Variants in MPHOSPH6 observed in about 807,000 individuals in gnomAD.
MPHOSPH6 encodes M-phase phosphoprotein 6.
In MPHOSPH6, 25 loss-of-function variants were observed where a neutral mutation model predicts 21.8. The ratio of observed to expected loss-of-function variants is 1.15; its 90% CI spans 0.83 to 1.60. The LOEUF is 1.60. MPHOSPH6 is among the 40% of genes most tolerant of loss of function. The pLI, the probability that MPHOSPH6 is intolerant of heterozygous loss-of-function variation, is 0.00. For synonymous variants in MPHOSPH6, 84 were observed against 56.5 expected, an observed-to-expected ratio of 1.49 and a Z score of -2.18; for missense variants, 269 against 181.8, an observed-to-expected ratio of 1.48 and a Z score of -2.76.
intron 1 of MPHOSPH6, 26 bp downstream of exon 1, chr16:82,170,099 G>A (rs764677170): frequency 6.3e-7 from 1 of 1,582,786 alleles, no homozygotes; most frequent in African/African-American, 1.4e-5. Context: ...CTACCGCCCG[G>A]AGTGGCGCTC....
At position 82,151,430 on chromosome 16, in the gene MPHOSPH6, C is replaced by T; in HGVS notation, c.249G>A (p.Glu83=). 1 of 1,605,534 alleles carries T rather than the reference C, an allele frequency of 6.2e-7. No individual in the cohort carries two copies. Among genetic ancestry groups the T allele is most frequent in the East Asian group, 2.2e-5 (1 of 44,726 alleles). ...AAGCAATTATATTTAATACCTCAAC[C>T]TCAGGATTAAATCCTCTGAATGACA... ...GRMSFRGFNP[E]VEKLMLQMNA... is the part of the protein sequence containing the mutation. Residue 83 remains glutamate (E), a synonymous_variant, in exon 3 of 5, where the codon GAG becomes GAA. Coordinates refer to ENST00000258169, the MANE Select transcript of MPHOSPH6 (RefSeq NM_005792.2).
intron 1 of MPHOSPH6, chr16:82,164,871 G>A (rs1906715678): frequency 6.6e-6 from 1 of 152,152 alleles, no homozygotes; most frequent in South Asian, 2.1e-4. Flanking sequence ...TCTGCAGAAA[G>A]TTGACTCAAA....
chr16:82,149,358 C>A lies in MPHOSPH6; in HGVS notation c.301G>T (p.Glu101Ter), dbSNP rs749927926. ...ACATCAAGCTCTACTGTTTCATCTT[C>A]AACTTCTTCTGCTTTGTGCTTAGCA... is the stretch of plus-strand genomic sequence containing the variant. The part of the protein sequence containing the change: ...MNAKHKAEEV[E>*]DETVELDVSD... Residue 101 changes from glutamate (E) to a stop codon, truncating the protein, a stop_gained, in exon 4 of 5, where the codon GAA becomes TAA. Transcript: ENST00000258169. LOFTEE classifies it high-confidence loss of function. 1.2e-6 allele frequency: 2 copies of A among 1,613,134 alleles called. No individual in the cohort carries two copies. The highest frequency in any genetic ancestry group is 1.1e-5 in the South Asian group (1 of 91,088).
In MPHOSPH6 at chr16:82,148,507, T is replaced by C; in HGVS notation, c.*224A>G. On this transcript the variant is annotated 3_prime_UTR_variant, in exon 5 of 5. Coordinates refer to ENST00000258169, the MANE Select transcript of MPHOSPH6 (RefSeq NM_005792.2). ...AAGCAGCCCTGTAACAATGTACATT[T>C]GTAGATCAGGGGCTAAAAATCCACT... 1 of 470,546 alleles carries C rather than the reference T, an allele frequency of 2.1e-6. No individual in the cohort carries two copies. The highest frequency in any genetic ancestry group is 3.6e-6 in the Non-Finnish European group (1 of 281,634). 29.1% of individuals were successfully genotyped at this position (470,546 alleles called of 1,614,324 possible).
rs1906723920 is a variant in MPHOSPH6, at chr16:82,165,110, A to ATT, written c.52-918_52-917dup. ...TTTCTTTCCCTTATTCAGGTCCGAT[A>ATT]TTTCTTTTTTATTTTTTTTTTTATT... On this transcript the variant is annotated intron_variant, in intron 1 of 4. Coordinates refer to ENST00000258169, the MANE Select transcript of MPHOSPH6 (RefSeq NM_005792.2). Among the ~76,000 whole-genome samples, 2 of 79,948 alleles carry ATT rather than the reference A, an allele frequency of 2.5e-5. 1 individual carries two copies. Among genetic ancestry groups the ATT allele is most frequent in the African/African-American group, 1.2e-4 (2 of 16,976 alleles). 52.4% of individuals were successfully genotyped at this position (79,948 alleles called of 152,430 possible).
chr16:82,161,733 CAT>C (rs1472610308), intron 2 of MPHOSPH6, among the ~76,000 whole-genome samples: 2 of 152,212 alleles, frequency 1.3e-5, no homozygotes, highest in African/African-American at 2.4e-5. Context: ...GCCTCAGCCA[CAT>C]ATGAGAGCTC....
intron 2 of MPHOSPH6, among the ~76,000 whole-genome samples, chr16:82,155,487 A>G (rs1269339138): frequency 6.6e-6 from 1 of 152,238 alleles, no homozygotes; most frequent in Non-Finnish European, 1.5e-5. Flanking sequence ...ACAACCTTCA[A>G]TTTCTACACA....
At chr16:82,168,472 C>CTT (rs552110598) in intron 1 of MPHOSPH6, among the ~76,000 whole-genome samples, 10,445 of 47,860 alleles carry the variant, frequency 0.22, 939 homozygotes, top group South Asian at 0.25. Flanking sequence ...TACTCTCTCT[C>CTT]TTTTTTTTTT....
intron 2 of MPHOSPH6, among the ~76,000 whole-genome samples, chr16:82,156,565 C>G (rs1261476214): frequency 1.3e-5 from 2 of 152,038 alleles, no homozygotes; most frequent in African/African-American, 4.8e-5. Context: ...AATTAAAAAC[C>G]ATAATAAGAT....
chr16:82,149,016 T>C (rs971105772), intron 4 of MPHOSPH6, among the ~76,000 whole-genome samples, 153 bp from the exon 5 acceptor site: 2 of 152,380 alleles, frequency 1.3e-5, no homozygotes, highest in African/African-American at 4.8e-5. Context: ...ATTTATGAAC[T>C]TCTCTAAGAG....
Position 82,149,923 on chromosome 16 carries a change from G to C in MPHOSPH6, c.256-520C>G, listed in dbSNP as rs146202978. Among the ~76,000 whole-genome samples, 5 of 151,782 alleles carry C rather than the reference G, an allele frequency of 3.3e-5. No homozygotes were observed. In the East Asian group the frequency reaches 9.7e-4, roughly 29 times the overall value. ...GCCTTACCCTCCTAAACTTTAGAGT[G>C]GATAATGCATCCCATGTAACATCCA... On this transcript the variant is annotated intron_variant, in intron 3 of 4. Transcript: ENST00000258169.
At chr16:82,152,601 G>C (rs945957196) in intron 2 of MPHOSPH6, among the ~76,000 whole-genome samples, 3 of 152,134 alleles carry the variant, frequency 2.0e-5, no homozygotes, top group Non-Finnish European at 4.4e-5. Context: ...AATAACGGTC[G>C]CTAGGTGGTT....
intron 3 of MPHOSPH6, 77 bp from the exon 4 acceptor site, chr16:82,149,480 C>CAG (rs1906193823): frequency 1.6e-6 from 2 of 1,241,950 alleles, no homozygotes; most frequent in Non-Finnish European, 2.3e-6. Flanking sequence ...TACCTGAAGG[C>CAG]AGAGAAACTG....
At chr16:82,150,013 C>T (rs1212810421) in intron 3 of MPHOSPH6, among the ~76,000 whole-genome samples, 1 of 147,098 alleles carries the variant, frequency 6.8e-6, no homozygotes, top group Non-Finnish European at 1.5e-5. Flanking sequence ...ATCCTCTGAC[C>T]TTTTTTTTTT....
chr16:82,169,017 TAAG>T (rs1437429436), intron 1 of MPHOSPH6, among the ~76,000 whole-genome samples: 2 of 152,208 alleles, frequency 1.3e-5, no homozygotes, highest in Non-Finnish European at 2.9e-5. Context: ...GCCTTAGCTG[TAAG>T]AAGAGAGTTA....
At chr16:82,149,747 G>C (rs1011741270) in intron 3 of MPHOSPH6, among the ~76,000 whole-genome samples, 2 of 152,074 alleles carry the variant, frequency 1.3e-5, no homozygotes, top group Non-Finnish European at 2.9e-5. Context: ...GATTTTCCCT[G>C]AACTTCCCCC....
chr16:82,159,928 C>T (rs114893325), intron 2 of MPHOSPH6, among the ~76,000 whole-genome samples: 1,904 of 152,188 alleles, frequency 0.013, 36 homozygotes, highest in African/African-American at 0.043. Flanking sequence ...CAATCTTATT[C>T]CTTATAGAGG....
At chr16:82,158,714 A>C (rs1281012753) in intron 2 of MPHOSPH6, among the ~76,000 whole-genome samples, 1 of 152,192 alleles carries the variant, frequency 6.6e-6, no homozygotes, top group Admixed American at 6.5e-5. Flanking sequence ...ATTTACTGCC[A>C]ATAACAAAAT....
At position 82,148,575 on chromosome 16, in the gene MPHOSPH6, C is replaced by T. The variant is rs143338622; in HGVS notation, c.*156G>A. 2.1e-6 allele frequency: 2 copies of T among 933,420 alleles called. No homozygotes were observed. The highest frequency in any genetic ancestry group is 2.4e-5 in the South Asian group (1 of 42,542). The allele number at this position is 933,420 out of a possible 1,614,324, so 57.8% of individuals were successfully genotyped here. On this transcript the variant is annotated 3_prime_UTR_variant, in exon 5 of 5. Coordinates refer to ENST00000258169, the MANE Select transcript of MPHOSPH6 (RefSeq NM_005792.2). ...AGCAAAGGATGTACAACATCCATCA[C>T]ACATCTGTTTCAAAAACAGCATGTT...
Sources: allele counts gnomAD v4.1 joint callset (sites outside exome capture counted in the v4.1 genomes callset), GRCh38; gene constraint gnomAD v4.1.1; transcripts MANE v1.5; gene names NCBI Gene and HGNC (gene_info 2026-07-23, HGNC 2026-07-21).